LAMB2: variants seen among roughly 807,000 people sequenced by gnomAD.
LAMB2 encodes the protein laminin subunit beta-2.
LAMB2 carries 119 observed loss-of-function variants against 202.7 expected under a neutral mutation model. The ratio of observed to expected loss-of-function variants is 0.59; its 90% CI spans 0.51 to 0.68. The LOEUF (loss-of-function observed/expected upper bound fraction) is 0.68. Ranked by LOEUF, LAMB2 falls within the 30% of genes least tolerant of loss-of-function variation. The pLI is 0.00. For synonymous variants in LAMB2, 818 were observed against 902.2 expected, an observed-to-expected ratio of 0.91 and a Z score of 1.67; for missense variants, 2,124 against 2,410.6, an observed-to-expected ratio of 0.88 and a Z score of 2.49.
chr3:49,123,465 T>C lies in LAMB2; in HGVS notation c.3964A>G (p.Lys1322Glu). The C allele has an allele frequency of 6.2e-7, 1 of 1,614,154 alleles. No homozygotes were observed. The highest frequency in any genetic ancestry group is 8.5e-7 in the Non-Finnish European group (1 of 1,180,030). The change falls in exon 25 of 32, where the codon AAA becomes GAA. Residue 1322 changes from lysine to glutamate, a missense_variant. By Grantham distance (56) the Lys-to-Glu change is moderately conservative. This residue lies in a region of LAMB2 where 1,702 missense variants were observed against 1,896.3 expected (regional missense o/e 0.90). Coordinates refer to ENST00000305544, the MANE Select transcript of LAMB2 (RefSeq NM_002292.4). ...AACTCACCCAGGAAGTTTGAATGTT[T>C]GAGCAAGTCAAGATGCTGGTCGAGC... The part of the protein sequence containing the change: ...RQLDQHLDLL[K>E]HSNFLGAYDS...
At position 49,121,306 on chromosome 3, in the gene LAMB2, A is replaced by C; in HGVS notation, c.5317T>G (p.Leu1773Val). 1 of 1,613,580 alleles carries C rather than the reference A, an allele frequency of 6.2e-7. No homozygotes were observed. The highest frequency in any genetic ancestry group is 1.1e-5 in the South Asian group (1 of 91,064). Reference sequence around the variant, plus strand: ...CGCATCCTGGCCTCCAACCCGTCCAACTGGGCTGCCTTACTCTCCAGTGCC... The same window carrying C: ...CGCATCCTGGCCTCCAACCCGTCCACCTGGGCTGCCTTACTCTCCAGTGCC... ...ERALESKAAQ[L>V]DGLEARMRSV... is the part of the protein sequence containing the mutation. The change falls in exon 32 of 32, where the codon TTG (leucine) becomes GTG (valine). Residue 1773 changes from leucine (L) to valine (V), a missense_variant. By Grantham distance (32) the Leu-to-Val change is conservative (BLOSUM62 1). Around this residue, in one of 3 missense-constraint regions of LAMB2, gnomAD observed 1,702 missense variants for 1,896.3 expected, o/e 0.90. Coordinates refer to ENST00000305544, the MANE Select transcript of LAMB2 (RefSeq NM_002292.4).
Position 49,129,952 on chromosome 3 carries a change from A to G in LAMB2, c.1292T>C (p.Leu431Pro), listed in dbSNP as rs777199161. ...GRCDSHDDPA[L>P]GLVSGQCRCK... is the part of the protein sequence containing the mutation. Reference sequence around the variant, plus strand: ...GCGACACTGGCCGGAGACCAGTCCCAGTGCAGGGTCATCATGGGAATCACA... The same window carrying G: ...GCGACACTGGCCGGAGACCAGTCCCGGTGCAGGGTCATCATGGGAATCACA... Residue 431 changes from leucine (L) to proline (P), a missense_variant, in exon 10 of 32, where the codon CTG becomes CCG. Physicochemically the swap from Leu to Pro is moderately conservative, Grantham distance 98. Coordinates refer to ENST00000305544, the MANE Select transcript of LAMB2 (RefSeq NM_002292.4). The surrounding 1 kb of genome is among the most constrained non-coding windows in gnomAD (Gnocchi z 6.1). 2 of 1,614,070 alleles carry G rather than the reference A, an allele frequency of 1.2e-6. No homozygotes were observed. The highest frequency in any genetic ancestry group is 2.2e-5 in the East Asian group (1 of 44,878).
rs747862022 is a variant in LAMB2 at position 49,124,826 on chromosome 3, AT to A, written c.2983del (p.Met995TrpfsTer156). The A allele has an allele frequency of 6.2e-7, 1 of 1,614,128 alleles. No individual in the cohort carries two copies. Among genetic ancestry groups the A allele is most frequent in the Non-Finnish European group, 8.5e-7 (1 of 1,180,022 alleles). On this transcript the variant is annotated frameshift_variant, in exon 21 of 32. Transcript: ENST00000305544. LOFTEE classifies it high-confidence loss of function. ...GTGGGGGTCACAGGCATCAGGATCC[AT>A]TGGGTCAATGTTCCCACTGCACTCA... ...LCECSGNIDP[M>X]DPDACDPHTG...
At position 49,123,930 on chromosome 3, in the gene LAMB2, G is replaced by C. The variant is rs754597019; in HGVS notation, c.3595C>G (p.Arg1199Gly). The C allele has an allele frequency of 6.2e-7, 1 of 1,613,138 alleles. No individual in the cohort carries two copies. Among genetic ancestry groups the C allele is most frequent in the Non-Finnish European group, 8.5e-7 (1 of 1,180,046 alleles). ...PCHACFGDWD[R>G]VVQDLAARTQ... ...CGGGCTGCCAAGTCCTGCACCACTC[G>C]GTCCCAATCCCCGAAGCATGCATGG... Residue 1199 changes from arginine to glycine, a missense_variant, in exon 24 of 32, where the codon CGA becomes GGA. Arg to Gly is a moderately radical substitution (Grantham distance 125). Around this residue, in one of 3 missense-constraint regions of LAMB2, gnomAD observed 1,702 missense variants for 1,896.3 expected, o/e 0.90. Coordinates refer to ENST00000305544, the MANE Select transcript of LAMB2 (RefSeq NM_002292.4).
intron 28 of LAMB2, 24 bp from the exon 29 acceptor site, chr3:49,122,109 C>T (rs775616293): frequency 4.3e-6 from 7 of 1,613,442 alleles, no homozygotes; most frequent in Middle Eastern, 1.6e-4. Context: ...GGAATCAGAA[C>T]CTGGAGGTAT....
Position 49,132,741 on chromosome 3 carries a change from A to G in LAMB2, c.76+51T>C, listed in dbSNP as rs2045496307. 1.2e-6 allele frequency: 2 copies of G among 1,613,396 alleles called. No individual in the cohort carries two copies. The highest frequency in any genetic ancestry group is 4.5e-5 in the East Asian group (2 of 44,888). On this transcript the variant is annotated intron_variant, in intron 1 of 31. Transcript: ENST00000305544. The surrounding 1 kb of genome is among the most constrained non-coding windows in gnomAD (Gnocchi z 4.6). ...CTCATGTGCCCCAAGGGCAACTACC[A>G]GGACCTACCATCACATTCCACAACC...
chr3:49,130,776 G>T lies in LAMB2; in HGVS notation c.1000C>A (p.Arg334Ser), dbSNP rs187004232. 11 of 1,614,120 alleles carry T rather than the reference G, an allele frequency of 6.8e-6. No homozygotes were observed. In the Admixed American group the frequency reaches 1.7e-4, roughly 24 times the overall value. Residue 334 changes from arginine to serine, a missense_variant, in exon 8 of 32, where the codon CGT (arginine) becomes AGT (serine). Arg to Ser is a moderately radical substitution (Grantham distance 110). Coordinates refer to ENST00000305544, the MANE Select transcript of LAMB2 (RefSeq NM_002292.4). The surrounding 1 kb of genome is among the most constrained non-coding windows in gnomAD (Gnocchi z 5.0). ...TGACTATGGCCGTCCTCAGCCGGAC[G>T]CCAGGGCAGGTCACGATAGAAATCC... ...CQDFYRDLPW[R>S]PAEDGHSHAC... is the part of the protein sequence containing the mutation.
rs753340192 is a variant in LAMB2 at position 49,122,004 on chromosome 3, G to C, written c.4863C>G (p.Ala1621=). ...CCACTGCCCCCCGGATGGCACCCTG[G>C]GCAATACCCTGTGCCCGCTGGGCCT... ...LEEAQRAQGI[A]QGAIRGAVAD... is the part of the protein sequence containing the mutation. Residue 1621 remains alanine, a synonymous_variant, in exon 29 of 32, where the codon GCC becomes GCG. Coordinates refer to ENST00000305544, the MANE Select transcript of LAMB2 (RefSeq NM_002292.4). 25 of 1,613,714 alleles carry C rather than the reference G, an allele frequency of 1.5e-5. No individual in the cohort carries two copies. Among genetic ancestry groups the C allele is most frequent in the Non-Finnish European group, 1.8e-5 (21 of 1,180,036 alleles).
In LAMB2 at chr3:49,130,652, AGG is replaced by A; in HGVS notation, c.1036+86_1036+87del. ...ACTCTTTGGATACAGCCTGGGTTTTAGGGGCTTGACCAACTAGCTCTAGGTTC... is the reference window on the plus strand; with the variant it reads ...ACTCTTTGGATACAGCCTGGGTTTTAGGCTTGACCAACTAGCTCTAGGTTC... On this transcript the variant is annotated intron_variant, in intron 8 of 31. Coordinates refer to ENST00000305544, the MANE Select transcript of LAMB2 (RefSeq NM_002292.4). The surrounding 1 kb of genome is among the most constrained non-coding windows in gnomAD (Gnocchi z 5.0). 1 of 1,593,496 alleles carries A rather than the reference AGG, an allele frequency of 6.3e-7. No homozygotes were observed. Among genetic ancestry groups the A allele is most frequent in the Non-Finnish European group, 8.6e-7 (1 of 1,168,870 alleles).
chr3:49,123,156 CAG>C lies in LAMB2; in HGVS notation c.4198_4199del (p.Leu1400GlufsTer7). The C allele has an allele frequency of 6.2e-7, 1 of 1,613,438 alleles. No individual in the cohort carries two copies. Among genetic ancestry groups the C allele is most frequent in the Non-Finnish European group, 8.5e-7 (1 of 1,180,034 alleles). ...CCAGCTCATTTATGTCTGTCAGGCT[CAG>C]GGTGTGGGTATGGGCAGAGAGCTTG... Reference protein sequence around the residue: ...LGKLSAHTHTLSLTDINELVC... With the variant: ...LGKLSAHTHTXSLTDINELVC... On this transcript the variant is annotated frameshift_variant, in exon 26 of 32. Coordinates refer to ENST00000305544, the MANE Select transcript of LAMB2 (RefSeq NM_002292.4). LOFTEE classifies it high-confidence loss of function.
chr3:49,123,982 T>C lies in LAMB2; in HGVS notation c.3543A>G (p.Ser1181=). 6.2e-7 allele frequency: 1 copy of C among 1,613,428 alleles called. No homozygotes were observed. ...VRCDQCARGF[S]GIFPACHPCH... ...AGGGATGGCAGGCAGGAAAGATTCC[T>C]GAGAAGCCACGGGCACACTGGTCAC... The change falls in exon 24 of 32, where the codon TCA becomes TCG. Residue 1181 remains serine (S), a synonymous_variant. Coordinates refer to ENST00000305544, the MANE Select transcript of LAMB2 (RefSeq NM_002292.4).
rs1207477400 is a variant in LAMB2, at chr3:49,122,695, G to A, written c.4573+9C>T. 1.9e-6 allele frequency: 3 copies of A among 1,610,754 alleles called. No homozygotes were observed. The African/African-American group carries it at 4.0e-5, about 22-fold the overall frequency. Reference sequence around the variant, plus strand: ...CAACCACATGGCCTGGGACACGTGGGAGGCTCACGGTTGAGGAAGTCCTTC... The same window carrying A: ...CAACCACATGGCCTGGGACACGTGGAAGGCTCACGGTTGAGGAAGTCCTTC... On this transcript the variant is annotated intron_variant, in intron 27 of 31. Coordinates refer to ENST00000305544, the MANE Select transcript of LAMB2 (RefSeq NM_002292.4).
At position 49,132,511 on chromosome 3, in the gene LAMB2, A is replaced by C. The variant is rs1458698902; in HGVS notation, c.229T>G (p.Cys77Gly). 6.2e-7 allele frequency: 1 copy of C among 1,613,894 alleles called. No homozygotes were observed. The highest frequency in any genetic ancestry group is 1.1e-5 in the South Asian group (1 of 91,082). The change falls in exon 2 of 32, where the codon TGC becomes GGC. Residue 77 changes from cysteine to glycine, a missense_variant. Cys to Gly is a radical substitution (Grantham distance 159). Transcript: ENST00000305544. The surrounding 1 kb of genome is among the most constrained non-coding windows in gnomAD (Gnocchi z 4.6). ...TCGLNGPQPY[C>G]IVSHLQDEKK... ...CACACCTGCAGGTGACTGACGATGC[A>C]GTAGGGCTGGGGGCCATTCAGGCCA...
chr3:49,123,616 C>T lies in LAMB2; in HGVS notation c.3813G>A (p.Glu1271=), dbSNP rs762045011. ...CGAGCTGAGTCAGGTGCTCAGTGGC[C>T]TCCCCAATTTCACGCCTGCAATGAT... The part of the protein sequence containing the change: ...ATEELRREIG[E]ATEHLTQLEA... Residue 1271 remains glutamate (E), a synonymous_variant, in exon 25 of 32, where the codon GAG becomes GAA. Transcript: ENST00000305544. 1 of 1,614,132 alleles carries T rather than the reference C, an allele frequency of 6.2e-7. No homozygotes were observed. Among genetic ancestry groups the T allele is most frequent in the East Asian group, 2.2e-5 (1 of 44,892 alleles).
chr3:49,131,641 T>C lies in LAMB2; in HGVS notation c.542A>G (p.Asp181Gly). ...TWHVYRYFSY[D>G]CGADFPGVPL... ...GACTCCTGGGAAGTCAGCCCCACAG[T>C]CATAGGAGAAATATCGGTACACATG... Residue 181 changes from aspartate (D) to glycine (G), a missense_variant, in exon 5 of 32, where the codon GAC (aspartate) becomes GGC (glycine). This residue lies in a region of LAMB2 where 256 missense variants were observed against 356.1 expected (regional missense o/e 0.72). Transcript: ENST00000305544. This position sits in a 1 kb window ranked among gnomAD's most constrained non-coding sequence, Gnocchi z 5.0. 6.2e-7 allele frequency: 1 copy of C among 1,613,660 alleles called. No homozygotes were observed. The highest frequency in any genetic ancestry group is 8.5e-7 in the Non-Finnish European group (1 of 1,180,014).
Position 49,131,850 on chromosome 3 carries a change from G to T in LAMB2, c.460-127C>A. 9.3e-7 allele frequency: 1 copy of T among 1,070,680 alleles called. No individual in the cohort carries two copies. The highest frequency in any genetic ancestry group is 2.0e-5 in the Admixed American group (1 of 50,060). The allele number at this position is 1,070,680 out of a possible 1,614,324, so 66.3% of individuals were successfully genotyped here. A position where few individuals can be genotyped will look rare whatever the true frequency, so the allele number is the denominator to read the frequency against. Reference sequence around the variant, plus strand: ...CAGAGAGTGGGGGTGACTGGTGGAAGCCAGATAATGACCAGCAAAGGTAGC... The same window carrying T: ...CAGAGAGTGGGGGTGACTGGTGGAATCCAGATAATGACCAGCAAAGGTAGC... On this transcript the variant is annotated intron_variant, in intron 4 of 31. Coordinates refer to ENST00000305544, the MANE Select transcript of LAMB2 (RefSeq NM_002292.4). This position sits in a 1 kb window ranked among gnomAD's most constrained non-coding sequence, Gnocchi z 5.0.
In LAMB2 at chr3:49,132,806, C is replaced by G. The variant is rs1362492774; in HGVS notation, c.62G>C (p.Gly21Ala). ...GGCCCTCTCACCGCTTAGCAGTAGGCCCAGTCGAAGTTCCCAGGGCAGAGG... is the reference window on the plus strand; with the variant it reads ...GGCCCTCTCACCGCTTAGCAGTAGGGCCAGTCGAAGTTCCCAGGGCAGAGG... ...GQPLPWELRLGLLLSVLAATL... is the reference protein window; with the variant it reads ...GQPLPWELRLALLLSVLAATL... The change falls in exon 1 of 32, where the codon GGC becomes GCC. Residue 21 changes from glycine (G) to alanine (A), a missense_variant. By Grantham distance (60) the Gly-to-Ala change is moderately conservative. Around this residue, in one of 3 missense-constraint regions of LAMB2, gnomAD observed 166 missense variants for 158.2 expected, o/e 1.05. Transcript: ENST00000305544. This position sits in a 1 kb window ranked among gnomAD's most constrained non-coding sequence, Gnocchi z 4.6. The G allele has an allele frequency of 2.5e-6, 4 of 1,614,200 alleles. No individual in the cohort carries two copies. The South Asian group carries it at 4.4e-5, about 18-fold the overall frequency.
At position 49,121,970 on chromosome 3, in the gene LAMB2, G is replaced by A. The variant is rs763067343; in HGVS notation, c.4897C>T (p.Arg1633Trp). 14 of 1,613,918 alleles carry A rather than the reference G, an allele frequency of 8.7e-6. No individual in the cohort carries two copies. The highest frequency in any genetic ancestry group is 3.3e-5 in the Admixed American group (2 of 60,026). The change falls in exon 29 of 32, where the codon CGG becomes TGG. Residue 1633 changes from arginine to tryptophan, a missense_variant. Arg to Trp is a moderately radical substitution (Grantham distance 101). Around this residue, in one of 3 missense-constraint regions of LAMB2, gnomAD observed 1,702 missense variants for 1,896.3 expected, o/e 0.90. Coordinates refer to ENST00000305544, the MANE Select transcript of LAMB2 (RefSeq NM_002292.4). ...TGGTACAGGGTCTGCTCTGTGTCCC[G>A]TGTGTCAGCCACTGCCCCCCGGATG... The part of the protein sequence containing the change: ...GAIRGAVADT[R>W]DTEQTLYQVQ...
rs1384133536 is a variant in LAMB2, at chr3:49,132,414, G to A, written c.250-9C>T. The A allele has an allele frequency of 7.4e-6, 12 of 1,614,236 alleles. No homozygotes were observed. The highest frequency in any genetic ancestry group is 9.3e-6 in the Non-Finnish European group (11 of 1,180,038). On this transcript the variant is annotated splice_polypyrimidine_tract_variant and intron_variant, in intron 2 of 31. Transcript: ENST00000305544. This position sits in a 1 kb window ranked among gnomAD's most constrained non-coding sequence, Gnocchi z 4.6. Reference sequence around the variant, plus strand: ...AAGCACTTCTTTTCGTCCTGGGTTGGATGGGGATTAGAATCAGTGCCTCAG... The same window carrying A: ...AAGCACTTCTTTTCGTCCTGGGTTGAATGGGGATTAGAATCAGTGCCTCAG...
Sources: allele counts gnomAD v4.1 joint callset, GRCh38; gene constraint gnomAD v4.1.1; regional missense constraint gnomAD v4.1.1; non-coding constraint Gnocchi (gnomAD v3.1); transcripts MANE v1.5; gene names NCBI Gene and HGNC (gene_info 2026-07-23, HGNC 2026-07-21).